Variants in POU6F2 observed in about 807,000 individuals in gnomAD.
POU6F2 encodes the protein POU domain, class 6, transcription factor 2.
A neutral mutation model predicts 71.3 loss-of-function variants in POU6F2; 31 were observed. That is an observed-to-expected ratio of 0.43 (90% CI 0.33 to 0.59). The LOEUF is 0.59. Among genes scored for constraint, POU6F2 ranks in the 20% least tolerant of loss-of-function variants. The pLI is 0.04. For missense variants in POU6F2, 783 were observed against 856.8 expected (o/e 0.91, Z 1.07); for synonymous variants, 347 against 355.7 (o/e 0.98, Z 0.27).
At chr7:39,022,814 G>T (rs1789708755) in intron 1 of POU6F2, among the ~76,000 whole-genome samples, 1 of 151,956 alleles carries the variant, frequency 6.6e-6, no homozygotes, top group Non-Finnish European at 1.5e-5. Context: ...AGGCTGCTAT[G>T]AACATTCTTT....
At chr7:39,342,352 T>A (rs1395091903) in intron 5 of POU6F2, among the ~76,000 whole-genome samples, 1 of 152,220 alleles carries the variant, frequency 6.6e-6, no homozygotes, top group East Asian at 1.9e-4. Flanking sequence ...AAAAGAAAAC[T>A]GTTTAAAAGG....
chr7:39,452,312 T>C (rs955251212), intron 8 of POU6F2, among the ~76,000 whole-genome samples: 1 of 152,216 alleles, frequency 6.6e-6, no homozygotes, highest in African/African-American at 2.4e-5. Flanking sequence ...TATGTATATA[T>C]AGTTTTTAGA....
At chr7:39,286,820 T>G (rs1784658715) in intron 4 of POU6F2, among the ~76,000 whole-genome samples, 1 of 152,060 alleles carries the variant, frequency 6.6e-6, no homozygotes, top group African/African-American at 2.4e-5. Context: ...TGGAGTACAG[T>G]GGTATGATCC....
chr7:39,320,872 T>A (rs1214437177), intron 4 of POU6F2, among the ~76,000 whole-genome samples: 2 of 151,988 alleles, frequency 1.3e-5, no homozygotes, highest in African/African-American at 2.4e-5. Context: ...CTGGCCAACA[T>A]AGTGAGACCC....
chr7:39,017,810 A>ATGTGTGTGTG (rs1323369998), intron 1 of POU6F2, among the ~76,000 whole-genome samples: 1 of 49,994 alleles, frequency 2.0e-5, no homozygotes, highest in Non-Finnish European at 4.1e-5. Flanking sequence ...CAGATTGTGC[A>ATGTGTGTGTG]TGCGTGTGTG....
At chr7:39,215,215 G>A (rs774774604) in intron 4 of POU6F2, among the ~76,000 whole-genome samples, 59 of 151,986 alleles carry the variant, frequency 3.9e-4, no homozygotes, top group Admixed American at 6.5e-4. Context: ...CATCATGGTG[G>A]GCACCTATAG....
intron 4 of POU6F2, among the ~76,000 whole-genome samples, chr7:39,297,190 TACACATAC>T (rs1431686813): frequency 1.4e-4 from 17 of 118,108 alleles, no homozygotes; most frequent in Admixed American, 2.4e-4. Flanking sequence ...CAAACACACA[TACACATAC>T]ACACACACAC....
intron 5 of POU6F2, among the ~76,000 whole-genome samples, chr7:39,355,742 T>C (rs534087891): frequency 3.9e-5 from 6 of 152,312 alleles, no homozygotes; most frequent in African/African-American, 9.6e-5. Flanking sequence ...CCACTGCCTA[T>C]GTGGTTGAAA....
chr7:39,420,167 AATTTGAAG>A, intron 6 of POU6F2, among the ~76,000 whole-genome samples: 1 of 152,330 alleles, frequency 6.6e-6, no homozygotes, highest in African/African-American at 2.4e-5. Context: ...ATTCACATGG[AATTTGAAG>A]ATTTTCTTGC....
chr7:39,056,662 C>CTGTG (rs749810621), intron 1 of POU6F2, among the ~76,000 whole-genome samples: 6,301 of 113,276 alleles, frequency 0.056, 163 homozygotes, highest in East Asian at 0.11. Flanking sequence ...CTCTCTCTCT[C>CTGTG]TGTGTGTGTG....
intron 1 of POU6F2, among the ~76,000 whole-genome samples, chr7:39,032,727 C>T (rs181057442): frequency 2.4e-4 from 36 of 152,284 alleles, no homozygotes; most frequent in Admixed American, 1.9e-3. Flanking sequence ...CTCTGAGGCC[C>T]CTGAAATACC....
intron 5 of POU6F2, among the ~76,000 whole-genome samples, chr7:39,397,798 A>T (rs1274232435): frequency 7.5e-6 from 1 of 132,548 alleles, no homozygotes; most frequent in African/African-American, 2.8e-5. Context: ...TATAATATGT[A>T]TTTTATATAT....
chr7:39,414,105 C>A (rs1029342753), intron 6 of POU6F2, among the ~76,000 whole-genome samples: 5 of 152,168 alleles, frequency 3.3e-5, no homozygotes, highest in African/African-American at 9.7e-5. Context: ...ATTCCCCAAC[C>A]GAACACTTCC....
At chr7:39,324,427 G>C (rs114236228) in intron 4 of POU6F2, among the ~76,000 whole-genome samples, 3 of 152,198 alleles carry the variant, frequency 2.0e-5, no homozygotes, top group Non-Finnish European at 2.9e-5. Context: ...ACTCTCAAAA[G>C]CTCTCTTTCC....
chr7:39,373,505 A>G (rs952853751), intron 5 of POU6F2: 2 of 456,582 alleles, frequency 4.4e-6, no homozygotes, highest in Non-Finnish European at 8.8e-6. Flanking sequence ...AGTATGGACT[A>G]AGGGAGAAAG....
intron 4 of POU6F2, among the ~76,000 whole-genome samples, chr7:39,250,050 G>C (rs1783887132): frequency 6.6e-6 from 1 of 152,198 alleles, no homozygotes; most frequent in South Asian, 2.1e-4. Flanking sequence ...TGGATCGAGA[G>C]AGGGCCGCAT....
chr7:39,446,827 A>C (rs1170852187), intron 7 of POU6F2, among the ~76,000 whole-genome samples: 1 of 152,234 alleles, frequency 6.6e-6, no homozygotes. Flanking sequence ...TCTTTCTTGC[A>C]GATTCTCCAT....
chr7:38,991,619 A>G (rs1237140684), intron 1 of POU6F2, among the ~76,000 whole-genome samples: 1 of 152,206 alleles, frequency 6.6e-6, no homozygotes, highest in Non-Finnish European at 1.5e-5. Context: ...GTATGTTCAC[A>G]TGAAAACCTG....
intron 1 of POU6F2, among the ~76,000 whole-genome samples, chr7:39,076,869 TACACACAC>T (rs67222549): frequency 6.7e-6 from 1 of 150,264 alleles, no homozygotes; most frequent in Non-Finnish European, 1.5e-5. Context: ...AATGTTGAGA[TACACACAC>T]ACACACACAC....
Sources: gnomAD v4.1 joint callset for allele counts (sites outside exome capture counted in the v4.1 genomes callset) on GRCh38, gnomAD v4.1.1 for gene constraint, MANE v1.5 for transcripts, NCBI Gene and HGNC (gene_info 2026-07-23, HGNC 2026-07-21) for gene names.